Variants in PPP1R14C observed in about 807,000 individuals in gnomAD.
PPP1R14C encodes the protein protein phosphatase 1 regulatory inhibitor subunit 14C.
Under a neutral mutation model 20.4 loss-of-function variants are expected in PPP1R14C, and 16 were observed. That is an observed-to-expected ratio of 0.78 (90% CI 0.53 to 1.19). PPP1R14C has a LOEUF of 1.19. Among genes scored for constraint, PPP1R14C ranks in the 50% most tolerant of loss-of-function variants. The pLI, the probability that PPP1R14C is intolerant of heterozygous loss-of-function variation, is 0.00. For synonymous variants in PPP1R14C, 91 were observed against 91.0 expected (o/e 1.00, Z 0.00); for missense variants, 211 against 220.1 (o/e 0.96, Z 0.26).
intron 1 of PPP1R14C, among the ~76,000 whole-genome samples, chr6:150,149,023 C>T (rs1424986679): frequency 6.6e-6 from 1 of 151,920 alleles, no homozygotes; most frequent in Non-Finnish European, 1.5e-5. Context: ...CAAGATCACA[C>T]CACTGTACTC....
chr6:150,189,566 A>T (rs1426869877), intron 1 of PPP1R14C, among the ~76,000 whole-genome samples: 1 of 151,632 alleles, frequency 6.6e-6, no homozygotes, highest in South Asian at 2.1e-4. Context: ...TTTTTGTGGA[A>T]GATTGAGAAA....
intron 1 of PPP1R14C, among the ~76,000 whole-genome samples, chr6:150,200,671 C>T (rs1361159179): frequency 6.6e-6 from 1 of 152,204 alleles, no homozygotes; most frequent in Non-Finnish European, 1.5e-5. Flanking sequence ...GCCATATCCC[C>T]TACATTTGTA....
chr6:150,198,801 C>T (rs1418293684), intron 1 of PPP1R14C, among the ~76,000 whole-genome samples: 3 of 152,194 alleles, frequency 2.0e-5, no homozygotes, highest in Non-Finnish European at 4.4e-5. Context: ...CCATCTGCCT[C>T]GCTCATCATC....
rs141502705 is a variant in PPP1R14C at position 150,190,517 on chromosome 6, C to T, written c.307-24227C>T. Among the ~76,000 whole-genome samples, 48 of 151,870 alleles carry T rather than the reference C, an allele frequency of 3.2e-4. 2 individuals carry two copies. In the East Asian group the frequency reaches 9.1e-3, roughly 29 times the overall value. ...TCTCAGCTCACTGTAACCTCCGCCT[C>T]CCAGGTTCAAGCGATTCTCCTGCCT... On this transcript the variant is annotated intron_variant, in intron 1 of 3. Transcript: ENST00000361131.
At chr6:150,227,589 G>A (rs186674227) in intron 3 of PPP1R14C, among the ~76,000 whole-genome samples, 186 of 152,308 alleles carry the variant, frequency 1.2e-3, no homozygotes, top group African/African-American at 4.5e-3. Flanking sequence ...TCTTATGTCA[G>A]ACCCTTTTCA....
intron 3 of PPP1R14C, among the ~76,000 whole-genome samples, chr6:150,217,740 C>T (rs1430065050): frequency 6.6e-6 from 1 of 152,096 alleles, no homozygotes; most frequent in Admixed American, 6.6e-5. Flanking sequence ...GTACTTTCTT[C>T]CTCTGATAAA....
At chr6:150,168,120 A>C (rs1296912876) in intron 1 of PPP1R14C, among the ~76,000 whole-genome samples, 448 of 46,822 alleles carry the variant, frequency 9.6e-3, no homozygotes, top group Middle Eastern at 0.028. Flanking sequence ...TCCCTCCCCC[A>C]CTCCTTCTCC....
chr6:150,160,348 T>A (rs1161938891), intron 1 of PPP1R14C, among the ~76,000 whole-genome samples: 1 of 139,094 alleles, frequency 7.2e-6, no homozygotes, highest in African/African-American at 2.7e-5. Context: ...CACTGCAAGC[T>A]CCACCTCCTG....
At chr6:150,220,617 A>G (rs925179353) in intron 3 of PPP1R14C, among the ~76,000 whole-genome samples, 2 of 152,250 alleles carry the variant, frequency 1.3e-5, no homozygotes, top group South Asian at 4.1e-4. Flanking sequence ...TAATTTCATC[A>G]ATCCCTTTTT....
At chr6:150,186,245 G>T (rs907782436) in intron 1 of PPP1R14C, among the ~76,000 whole-genome samples, 1 of 152,160 alleles carries the variant, frequency 6.6e-6, no homozygotes, top group African/African-American at 2.4e-5. Context: ...CAAACAGGCG[G>T]TTCCTCTAGG....
Position 150,234,848 on chromosome 6 carries a change from C to CAA in PPP1R14C, c.424-13871_424-13870dup, listed in dbSNP as rs56139981. 6.1e-3 allele frequency among the ~76,000 whole-genome samples: 253 copies of CAA among 41,808 alleles called. 33 individuals are homozygous for CAA. The highest frequency in any genetic ancestry group is 0.021 in the African/African-American group (203 of 9,706). The allele number at this position is 41,808 out of a possible 152,430, so 27.4% of individuals were successfully genotyped here. Reference sequence around the variant, plus strand: ...TGGGCGACAAAGTGAGACTCTGTCTCAAAAAAAAAAAAAAAAAAAAAAAAA... The same window carrying CAA: ...TGGGCGACAAAGTGAGACTCTGTCTCAAAAAAAAAAAAAAAAAAAAAAAAAAA... On this transcript the variant is annotated intron_variant, in intron 3 of 3. Coordinates refer to ENST00000361131, the MANE Select transcript of PPP1R14C (RefSeq NM_030949.3).
At chr6:150,204,240 C>G (rs73007969) in intron 1 of PPP1R14C, among the ~76,000 whole-genome samples, 1 of 152,150 alleles carries the variant, frequency 6.6e-6, no homozygotes, top group African/African-American at 2.4e-5. Flanking sequence ...TATTTTCACT[C>G]GTCTTACGAG....
intron 1 of PPP1R14C, among the ~76,000 whole-genome samples, chr6:150,175,993 C>A (rs1285941378): frequency 6.6e-6 from 1 of 152,210 alleles, no homozygotes; most frequent in Admixed American, 6.5e-5. Context: ...TCATAAGTGA[C>A]TCTACTAAAG....
chr6:150,209,820 T>C (rs1777999769), intron 1 of PPP1R14C, among the ~76,000 whole-genome samples: 1 of 147,116 alleles, frequency 6.8e-6, no homozygotes, highest in Non-Finnish European at 1.5e-5. Flanking sequence ...TATTCATGTG[T>C]GTGTATGTTT....
intron 3 of PPP1R14C, among the ~76,000 whole-genome samples, chr6:150,231,095 G>C (rs1778289107): frequency 6.6e-6 from 1 of 152,194 alleles, no homozygotes; most frequent in East Asian, 1.9e-4. Context: ...TCAGAGTAGA[G>C]GGTGGCCACT....
At chr6:150,171,411 A>T (rs987093228) in intron 1 of PPP1R14C, among the ~76,000 whole-genome samples, 2 of 152,224 alleles carry the variant, frequency 1.3e-5, no homozygotes, top group Non-Finnish European at 2.9e-5. Flanking sequence ...CTCTTTTATA[A>T]GGAGAATCCC....
At chr6:150,195,381 G>A (rs562976069) in intron 1 of PPP1R14C, among the ~76,000 whole-genome samples, 1 of 152,264 alleles carries the variant, frequency 6.6e-6, no homozygotes, top group Non-Finnish European at 1.5e-5. Context: ...ATAGAGTGTC[G>A]CTATTGCCCA....
chr6:150,143,131 G>A lies in PPP1R14C; in HGVS notation c.-62G>A. ...GGCTGCCGGGCCGGAGGTGGTAGCG[G>A]CGCCGGGCGCGCTCCGCCCGCCCCT... On this transcript the variant is annotated 5_prime_UTR_variant, in exon 1 of 4. Coordinates refer to ENST00000361131, the MANE Select transcript of PPP1R14C (RefSeq NM_030949.3). This position sits in a 1 kb window ranked among gnomAD's most constrained non-coding sequence, Gnocchi z 5.6. 1 of 1,180,580 alleles carries A rather than the reference G, an allele frequency of 8.5e-7. No homozygotes were observed. Among genetic ancestry groups the A allele is most frequent in the Non-Finnish European group, 1.0e-6 (1 of 958,272 alleles). 73.1% of individuals were successfully genotyped at this position (1,180,580 alleles called of 1,614,324 possible). A position where few individuals can be genotyped will look rare whatever the true frequency, so the allele number is the denominator to read the frequency against.
At chr6:150,236,613 C>CTGTGTGTGTGTGTGGGTG (rs1554221580) in intron 3 of PPP1R14C, among the ~76,000 whole-genome samples, 2 of 144,506 alleles carry the variant, frequency 1.4e-5, no homozygotes, top group Non-Finnish European at 3.0e-5. Flanking sequence ...GTTGGTGCCA[C>CTGTGTGTGTGTGTGGGTG]TGTGTGTGTG....
Sources: gnomAD v4.1 joint callset for allele counts (sites outside exome capture counted in the v4.1 genomes callset) on GRCh38, gnomAD v4.1.1 for gene constraint, Gnocchi (gnomAD v3.1) non-coding constraint, MANE v1.5 for transcripts, NCBI Gene and HGNC (gene_info 2026-07-23, HGNC 2026-07-21) for gene names.